The following CARMIL3 variants were observed in gnomAD, a reference collection of about 807,000 sequenced individuals.
CARMIL3 encodes capping protein, Arp2/3 and myosin-I linker protein 3.
CARMIL3 carries 88 observed loss-of-function variants against 180.8 expected under a neutral mutation model. The observed-to-expected ratio is 0.49, with a 90% CI of 0.41 to 0.58. The LOEUF (loss-of-function observed/expected upper bound fraction) is 0.58, where lower values mean the gene tolerates loss of function less well. Among genes scored for constraint, CARMIL3 ranks in the 20% least tolerant of loss-of-function variants. The pLI is 0.00. For missense variants in CARMIL3, 1,548 were observed against 1,787.0 expected, an observed-to-expected ratio of 0.87 and a Z score of 2.41; for synonymous variants, 696 against 714.5, an observed-to-expected ratio of 0.97 and a Z score of 0.41.
At position 24,055,526 on chromosome 14, in the gene CARMIL3, C is replaced by A. The variant is rs370973840; in HGVS notation, c.606-17C>A. 3.1e-6 allele frequency: 5 copies of A among 1,613,902 alleles called. No individual in the cohort carries two copies. The African/African-American group carries it at 5.3e-5, about 17-fold the overall frequency. On this transcript the variant is annotated splice_polypyrimidine_tract_variant and intron_variant, in intron 8 of 39. Transcript: ENST00000342740. ...CACCTGCTCACCACTTTCCTGCCCC[C>A]TTCCATATCCCCACAGAGACTTGGC...
chr14:24,054,262 C>T lies in CARMIL3; in HGVS notation c.207C>T (p.Val69=), dbSNP rs765185804. The T allele has an allele frequency of 6.2e-7, 1 of 1,614,034 alleles. No homozygotes were observed. Among genetic ancestry groups the T allele is most frequent in the African/African-American group, 1.3e-5 (1 of 74,936 alleles). Residue 69 remains valine (V), a synonymous_variant, in exon 4 of 40, where the codon GTC becomes GTT. Coordinates refer to ENST00000342740, the MANE Select transcript of CARMIL3 (RefSeq NM_138360.4). This position sits in a 1 kb window ranked among gnomAD's most constrained non-coding sequence, Gnocchi z 5.1. ...VPAKVESSFN[V]LEIRAFNTLS... The stretch of plus-strand genomic sequence containing the variant: ...CCTAGGTGGAGAGCTCCTTCAATGT[C>T]CTGGAGATCCGTGCCTTCAACACGC...
chr14:24,060,594 G>A (rs771217404), intron 24 of CARMIL3, 34 bp from the exon 25 acceptor site: 15 of 1,609,104 alleles, frequency 9.3e-6, no homozygotes, highest in Middle Eastern at 1.7e-4. Context: ...GTGGAAGCAG[G>A]GGTCCCCTTG....
chr14:24,058,675 T>C lies in CARMIL3; in HGVS notation c.1393-5T>C. ...TGCCTTCCCTACCTCACCTTGTCCCTGCAGCTCCGTTCAGCGGGAGCCCAA... is the reference window on the plus strand; with the variant it reads ...TGCCTTCCCTACCTCACCTTGTCCCCGCAGCTCCGTTCAGCGGGAGCCCAA... On this transcript the variant is annotated splice_region_variant and splice_polypyrimidine_tract_variant and intron_variant, in intron 17 of 39. Transcript: ENST00000342740. This position sits in a 1 kb window ranked among gnomAD's most constrained non-coding sequence, Gnocchi z 6.4. The C allele has an allele frequency of 6.2e-7, 1 of 1,612,776 alleles. No homozygotes were observed. The highest frequency in any genetic ancestry group is 1.7e-4 in the Middle Eastern group (1 of 5,944).
chr14:24,054,358 G>A lies in CARMIL3; in HGVS notation c.247-38G>A. On this transcript the variant is annotated intron_variant, in intron 4 of 39. Transcript: ENST00000342740. The surrounding 1 kb of genome is among the most constrained non-coding windows in gnomAD (Gnocchi z 5.1). ...GGCCAGCTGGAGGAGGGAGCAGAGA[G>A]GAGGGAGTCTGAGGCTCTGACGCTT... 2 of 1,613,780 alleles carry A rather than the reference G, an allele frequency of 1.2e-6. No homozygotes were observed. The highest frequency in any genetic ancestry group is 1.7e-6 in the Non-Finnish European group (2 of 1,179,666).
At position 24,054,599 on chromosome 14, in the gene CARMIL3, G is replaced by T; in HGVS notation, c.362+88G>T. 1 of 1,508,258 alleles carries T rather than the reference G, an allele frequency of 6.6e-7. No individual in the cohort carries two copies. The highest frequency in any genetic ancestry group is 9.1e-7 in the Non-Finnish European group (1 of 1,101,088). 93.4% of individuals were successfully genotyped at this position (1,508,258 alleles called of 1,614,324 possible). A position where few individuals can be genotyped will look rare whatever the true frequency, so the allele number is the denominator to read the frequency against. ...CTTCCCCTGGGCCAGGGCTGAGAAGGAGAGCTCTCATGTCCCCACTCCTGG... is the reference window on the plus strand; with the variant it reads ...CTTCCCCTGGGCCAGGGCTGAGAAGTAGAGCTCTCATGTCCCCACTCCTGG... On this transcript the variant is annotated intron_variant, in intron 5 of 39. Coordinates refer to ENST00000342740, the MANE Select transcript of CARMIL3 (RefSeq NM_138360.4). This position sits in a 1 kb window ranked among gnomAD's most constrained non-coding sequence, Gnocchi z 5.1.
At position 24,058,899 on chromosome 14, in the gene CARMIL3, C is replaced by G; in HGVS notation, c.1484C>G (p.Ser495Trp). ...SLDLSDNGFD[S>W]DLLTLVPALG... ...CCCATCTGCTCACCAGGGTTCGACTCGGACCTCCTGACACTGGTGCCTGCA... is the reference window on the plus strand; with the variant it reads ...CCCATCTGCTCACCAGGGTTCGACTGGGACCTCCTGACACTGGTGCCTGCA... Residue 495 changes from serine to tryptophan, a missense_variant, in exon 19 of 40, where the codon TCG (serine) becomes TGG (tryptophan). Physicochemically the swap from Ser to Trp is radical, Grantham distance 177. Around this residue, in one of 4 missense-constraint regions of CARMIL3, gnomAD observed 578 missense variants for 666.5 expected, o/e 0.87. Transcript: ENST00000342740. The surrounding 1 kb of genome is among the most constrained non-coding windows in gnomAD (Gnocchi z 6.4). The G allele has an allele frequency of 1.2e-6, 2 of 1,614,218 alleles. No individual in the cohort carries two copies. The highest frequency in any genetic ancestry group is 1.7e-6 in the Non-Finnish European group (2 of 1,180,042).
chr14:24,057,097 C>T (rs1158084943), intron 13 of CARMIL3, 70 bp from the exon 14 acceptor site: 3 of 1,594,234 alleles, frequency 1.9e-6, no homozygotes, highest in Middle Eastern at 1.7e-4. Flanking sequence ...GGCCTTCTGC[C>T]CCATGGCCTC....
Position 24,060,776 on chromosome 14 carries a change from C to T in CARMIL3, c.2190+20C>T, listed in dbSNP as rs1039343556. The T allele has an allele frequency of 6.2e-7, 1 of 1,610,036 alleles. No homozygotes were observed. Among genetic ancestry groups the T allele is most frequent in the Non-Finnish European group, 8.5e-7 (1 of 1,177,750 alleles). On this transcript the variant is annotated intron_variant, in intron 25 of 39. Coordinates refer to ENST00000342740, the MANE Select transcript of CARMIL3 (RefSeq NM_138360.4). ...CGGGCGGTGAGCCCTCCACAGGCTA[C>T]CCTTCCCCTGAAGTCTGGAGAACCC...
chr14:24,064,153 A>G (rs2035761482), intron 31 of CARMIL3, 93 bp from the exon 32 acceptor site: 1 of 819,000 alleles, frequency 1.2e-6, no homozygotes, highest in South Asian at 1.6e-5. Flanking sequence ...CATTTCCATA[A>G]ATGTCCAAGC....
Position 24,059,621 on chromosome 14 carries a change from C to T in CARMIL3, c.1800-43C>T. The T allele has an allele frequency of 1.2e-6, 2 of 1,604,964 alleles. No individual in the cohort carries two copies. Among genetic ancestry groups the T allele is most frequent in the Non-Finnish European group, 1.7e-6 (2 of 1,172,650 alleles). On this transcript the variant is annotated intron_variant, in intron 21 of 39. Transcript: ENST00000342740. The surrounding 1 kb of genome is among the most constrained non-coding windows in gnomAD (Gnocchi z 6.3). The stretch of plus-strand genomic sequence containing the variant: ...TTGTGTCCCTGGCCCCTAGTAGGGA[C>T]CCAGGAGGAGAGGTGCCAAACTGGT...
chr14:24,064,207 A>G (rs1002875758), intron 31 of CARMIL3, 39 bp from the exon 32 acceptor site: 1 of 1,489,886 alleles, frequency 6.7e-7, no homozygotes, highest in Non-Finnish European at 9.3e-7. Flanking sequence ...GGGCTTCCTG[A>G]CCTAGATGAG....
chr14:24,061,878 C>A lies in CARMIL3; in HGVS notation c.2480+206C>A. On this transcript the variant is annotated intron_variant, in intron 27 of 39. Coordinates refer to ENST00000342740, the MANE Select transcript of CARMIL3 (RefSeq NM_138360.4). This position sits in a 1 kb window ranked among gnomAD's most constrained non-coding sequence, Gnocchi z 4.1. ...AAGTGCTGAGCTGGGGTTTAGGAGC[C>A]AAGTTTGTGCCCACACAGGTGTACA... 3.4e-6 allele frequency: 2 copies of A among 595,502 alleles called. No individual in the cohort carries two copies. Among genetic ancestry groups the A allele is most frequent in the South Asian group, 4.2e-5 (2 of 47,340 alleles). 36.9% of individuals were successfully genotyped at this position (595,502 alleles called of 1,614,324 possible). A position where few individuals can be genotyped will look rare whatever the true frequency, so the allele number is the denominator to read the frequency against.
chr14:24,063,428 G>T lies in CARMIL3; in HGVS notation c.2874G>T (p.Trp958Cys), dbSNP rs747115394. 2 of 1,613,914 alleles carry T rather than the reference G, an allele frequency of 1.2e-6. No homozygotes were observed. Among genetic ancestry groups the T allele is most frequent in the South Asian group, 2.2e-5 (2 of 91,082 alleles). ...GGSQPTASGS[W>C]EGLSELPTHG... ...GCCAGCCCACAGCTAGTGGCTCCTG[G>T]GAAGGTCTATCTGAGCTGCCCACTC... is the stretch of plus-strand genomic sequence containing the variant. The change falls in exon 31 of 40, where the codon TGG becomes TGT. Residue 958 changes from tryptophan (W) to cysteine (C), a missense_variant. Trp to Cys is a radical substitution (Grantham distance 215, BLOSUM62 -2). Coordinates refer to ENST00000342740, the MANE Select transcript of CARMIL3 (RefSeq NM_138360.4).
rs773237025 is a variant in CARMIL3, at chr14:24,056,716, C to CA, written c.952+9dup. 1.2e-5 allele frequency: 20 copies of CA among 1,611,962 alleles called. No individual in the cohort carries two copies. Among genetic ancestry groups the CA allele is most frequent in the Non-Finnish European group, 1.6e-5 (19 of 1,179,736 alleles). ...CTGCCATTTCCCCTCGAGGTACTCG[C>CA]ACCAAGGACCCCTGACCTCTGACCC... On this transcript the variant is annotated intron_variant, in intron 12 of 39. Transcript: ENST00000342740.
chr14:24,063,418 G>A lies in CARMIL3; in HGVS notation c.2864G>A (p.Ser955Asn). 2 of 1,613,948 alleles carry A rather than the reference G, an allele frequency of 1.2e-6. No individual in the cohort carries two copies. The highest frequency in any genetic ancestry group is 1.7e-6 in the Non-Finnish European group (2 of 1,180,000). Residue 955 changes from serine (S) to asparagine (N), a missense_variant, in exon 31 of 40, where the codon AGT becomes AAT. By Grantham distance (46) the Ser-to-Asn change is conservative (BLOSUM62 1). Around this residue, in one of 4 missense-constraint regions of CARMIL3, gnomAD observed 668 missense variants for 687.8 expected, o/e 0.97. Transcript: ENST00000342740. ...SGLGGSQPTA[S>N]GSWEGLSELP... ...CTTGGGGGCAGCCAGCCCACAGCTA[G>A]TGGCTCCTGGGAAGGTCTATCTGAG... is the stretch of plus-strand genomic sequence containing the variant.
At position 24,062,785 on chromosome 14, in the gene CARMIL3, G is replaced by C. The variant is rs142041884; in HGVS notation, c.2645G>C (p.Arg882Pro). ...GGCCAAGGGCAGGATCTGTCCTCCC[G>C]GGGCCGAGGCCGGAACCATGACCAT... is the stretch of plus-strand genomic sequence containing the variant. Reference protein sequence around the residue: ...CPGQGQDLSSRGRGRNHDHEE... With the variant: ...CPGQGQDLSSPGRGRNHDHEE... Residue 882 changes from arginine to proline, a missense_variant, in exon 29 of 40, where the codon CGG becomes CCG. By Grantham distance (103) the Arg-to-Pro change is moderately radical. This residue lies in a region of CARMIL3 where 668 missense variants were observed against 687.8 expected (regional missense o/e 0.97). Coordinates refer to ENST00000342740, the MANE Select transcript of CARMIL3 (RefSeq NM_138360.4). 1 of 1,613,672 alleles carries C rather than the reference G, an allele frequency of 6.2e-7. No homozygotes were observed. The highest frequency in any genetic ancestry group is 1.3e-5 in the African/African-American group (1 of 74,938).
Position 24,058,924 on chromosome 14 carries a change from A to G in CARMIL3, c.1509A>G (p.Ala503=), listed in dbSNP as rs1297454451. Residue 503 remains alanine (A), a synonymous_variant, in exon 19 of 40, where the codon GCA becomes GCG. Coordinates refer to ENST00000342740, the MANE Select transcript of CARMIL3 (RefSeq NM_138360.4). The surrounding 1 kb of genome is among the most constrained non-coding windows in gnomAD (Gnocchi z 6.4). ...FDSDLLTLVP[A]LGKNKSLKHL... ...CGGACCTCCTGACACTGGTGCCTGC[A>G]CTTGGCAAGAACAAGTCCCTCAAGC... is the stretch of plus-strand genomic sequence containing the variant. 1.2e-6 allele frequency: 2 copies of G among 1,614,236 alleles called. No individual in the cohort carries two copies. The highest frequency in any genetic ancestry group is 4.5e-5 in the East Asian group (2 of 44,888).
rs1474508237 is a variant in CARMIL3, at chr14:24,054,602, A to G, written c.362+91A>G. The G allele has an allele frequency of 6.7e-7, 1 of 1,490,486 alleles. No individual in the cohort carries two copies. Among genetic ancestry groups the G allele is most frequent in the African/African-American group, 1.4e-5 (1 of 72,104 alleles). The allele number at this position is 1,490,486 out of a possible 1,614,324, so 92.3% of individuals were successfully genotyped here. The stretch of plus-strand genomic sequence containing the variant: ...CCCCTGGGCCAGGGCTGAGAAGGAG[A>G]GCTCTCATGTCCCCACTCCTGGTTT... On this transcript the variant is annotated intron_variant, in intron 5 of 39. Transcript: ENST00000342740. The surrounding 1 kb of genome is among the most constrained non-coding windows in gnomAD (Gnocchi z 5.1).
Position 24,060,045 on chromosome 14 carries a change from C to A in CARMIL3, c.1944C>A (p.Thr648=). The change falls in exon 23 of 40, where the codon ACC becomes ACA. Residue 648 remains threonine, a synonymous_variant. Transcript: ENST00000342740. ...CCTATCGCAGCGCGCCTGAGCGCACCGAGGACGTCTGGCAGAAGGTGCAGG... is the reference window on the plus strand; with the variant it reads ...CCTATCGCAGCGCGCCTGAGCGCACAGAGGACGTCTGGCAGAAGGTGCAGG... ...SQAYRSAPER[T]EDVWQKIQWC... 1.9e-6 allele frequency: 3 copies of A among 1,613,914 alleles called. No homozygotes were observed. The highest frequency in any genetic ancestry group is 2.5e-6 in the Non-Finnish European group (3 of 1,180,038).
Sources: allele counts gnomAD v4.1 joint callset, GRCh38; gene constraint gnomAD v4.1.1; regional missense constraint gnomAD v4.1.1; non-coding constraint Gnocchi (gnomAD v3.1); transcripts MANE v1.5; gene names NCBI Gene and HGNC (gene_info 2026-07-23, HGNC 2026-07-21).